Variants in CUX1 observed in about 807,000 individuals in gnomAD.
CUX1 encodes protein CASP.
A neutral mutation model predicts 158.8 loss-of-function variants in CUX1; 31 were observed. The observed-to-expected ratio is 0.20, with a 90% CI of 0.15 to 0.26. The LOEUF (loss-of-function observed/expected upper bound fraction) is 0.26. Among genes scored for constraint, CUX1 ranks in the 10% least tolerant of loss-of-function variants. CUX1 has a pLI of 1.00. For missense variants in CUX1, 1,589 were observed against 2,014.6 expected, an observed-to-expected ratio of 0.79 and a Z score of 4.04; for synonymous variants, 879 against 862.1, an observed-to-expected ratio of 1.02 and a Z score of -0.34.
At chr7:102,275,192 G>C in intron 16 of CUX1, 1 of 1,371,342 alleles carries the variant, frequency 7.3e-7, no homozygotes, top group Non-Finnish European at 1.0e-6. Flanking sequence ...CCAAAGGGCC[G>C]CCTGCTGGGT....
intron 7 of CUX1, among the ~76,000 whole-genome samples, chr7:102,112,240 C>CT (rs201695519): frequency 0.028 from 3,690 of 131,304 alleles, 250 homozygotes; most frequent in African/African-American, 0.09. Context: ...CTTTCTCTCT[C>CT]TCTTTTTTTT....
exon 23 of CUX1, chr7:102,283,036 G>C (rs1554549852): frequency 1.2e-6 from 2 of 1,612,476 alleles, no homozygotes. Context: ...CTGACCACCT[G>C]CACAAGTTCC....
intron 1 of CUX1, among the ~76,000 whole-genome samples, chr7:101,862,733 T>C (rs776738810): frequency 9.9e-5 from 15 of 152,150 alleles, no homozygotes; most frequent in African/African-American, 1.9e-4. Flanking sequence ...GAGACCACGG[T>C]GTCCCTTTCC....
At chr7:102,079,115 G>A (rs1554477613) in intron 4 of CUX1, among the ~76,000 whole-genome samples, 1 of 152,092 alleles carries the variant, frequency 6.6e-6, no homozygotes. Context: ...CTCACTCAAA[G>A]ATCCCACATT....
chr7:102,224,667 C>T (rs942267876), intron 20 of CUX1, among the ~76,000 whole-genome samples: 1 of 152,186 alleles, frequency 6.6e-6, no homozygotes, highest in African/African-American at 2.4e-5. Flanking sequence ...GTGAGCGCCC[C>T]TGTTTAGTTC....
intron 20 of CUX1, among the ~76,000 whole-genome samples, chr7:102,217,949 C>T (rs1388934318): frequency 6.6e-6 from 1 of 151,100 alleles, no homozygotes; most frequent in South Asian, 2.1e-4. Context: ...CGGATGGATG[C>T]GATGGTGTCT....
At chr7:101,906,879 A>G (rs1802818120) in intron 1 of CUX1, among the ~76,000 whole-genome samples, 2 of 152,144 alleles carry the variant, frequency 1.3e-5, no homozygotes, top group Admixed American at 1.3e-4. Context: ...CCACTGTCCC[A>G]TCTTTGCCAC....
intron 1 of CUX1, among the ~76,000 whole-genome samples, chr7:101,848,854 C>T (rs191762753): frequency 3.4e-4 from 50 of 145,172 alleles, no homozygotes; most frequent in Admixed American, 2.6e-3. Context: ...CTCCAGGAAA[C>T]GGAAAAAAAA....
At chr7:102,011,575 T>C (rs552482653) in intron 2 of CUX1, among the ~76,000 whole-genome samples, 2 of 151,932 alleles carry the variant, frequency 1.3e-5, no homozygotes, top group Non-Finnish European at 2.9e-5. Context: ...AGAGACGGGT[T>C]TCACCGTGTT....
chr7:102,114,375 A>C (rs1831232896), intron 7 of CUX1, among the ~76,000 whole-genome samples: 1 of 152,150 alleles, frequency 6.6e-6, no homozygotes, highest in Admixed American at 6.5e-5. Flanking sequence ...TCCAGGGTTC[A>C]AGTGATTCTC....
chr7:101,903,809 T>C (rs1034572103), intron 1 of CUX1, among the ~76,000 whole-genome samples: 1 of 151,956 alleles, frequency 6.6e-6, no homozygotes, highest in Non-Finnish European at 1.5e-5. Flanking sequence ...CTTCGCAGAG[T>C]GGGTTTGTGA....
At chr7:101,849,311 C>G (rs1245943490) in intron 1 of CUX1, among the ~76,000 whole-genome samples, 1 of 150,780 alleles carries the variant, frequency 6.6e-6, no homozygotes, top group Non-Finnish European at 1.5e-5. Context: ...GTTATTTCTC[C>G]TGATCCTCTC....
chr7:102,140,931 T>A (rs1166666976), intron 8 of CUX1, among the ~76,000 whole-genome samples: 3 of 152,022 alleles, frequency 2.0e-5, no homozygotes, highest in African/African-American at 7.2e-5. Flanking sequence ...GGAAAACTTC[T>A]TGTTGCAATT....
chr7:101,908,855 T>C (rs1463904056), intron 1 of CUX1, among the ~76,000 whole-genome samples: 2 of 152,162 alleles, frequency 1.3e-5, no homozygotes, highest in Non-Finnish European at 2.9e-5. Flanking sequence ...AAATGCATCA[T>C]CTTGATTATG....
intron 8 of CUX1, 131 bp from the exon 9 acceptor site, chr7:102,158,429 C>T: frequency 1.3e-6 from 1 of 760,976 alleles, no homozygotes; most frequent in South Asian, 2.0e-5. Flanking sequence ...CCCACCTCCT[C>T]CTGCTGGACA....
chr7:102,263,701 CT>C (rs1188599297), intron 14 of CUX1, among the ~76,000 whole-genome samples: 3 of 150,672 alleles, frequency 2.0e-5, no homozygotes, highest in African/African-American at 2.4e-5. Flanking sequence ...ATCTTTTTCT[CT>C]TTTTTTTTGA....
rs181319626 is a variant in CUX1, at chr7:102,123,751, C to T, written c.674+8478C>T. Among the ~76,000 whole-genome samples the T allele has an allele frequency of 1.7e-3, 266 of 152,112 alleles. 1 individual carries two copies. The highest frequency in any genetic ancestry group is 6.0e-3 in the African/African-American group (251 of 41,516). ...GATCTTGGCTCACTACAACTTCTACCTCCCGGTTTCAAACGATTTTCCCAC... is the reference window on the plus strand; with the variant it reads ...GATCTTGGCTCACTACAACTTCTACTTCCCGGTTTCAAACGATTTTCCCAC... On this transcript the variant is annotated intron_variant, in intron 8 of 23. Transcript: ENST00000292535.
chr7:101,853,623 C>T (rs866879478), intron 1 of CUX1, among the ~76,000 whole-genome samples: 7 of 96,152 alleles, frequency 7.3e-5, no homozygotes, highest in African/African-American at 2.4e-4. Context: ...GTGTGTGTGT[C>T]GGGGTAAAGA....
intron 14 of CUX1, among the ~76,000 whole-genome samples, chr7:102,196,105 T>G (rs1794771928): frequency 6.6e-6 from 1 of 152,188 alleles, no homozygotes; most frequent in Non-Finnish European, 1.5e-5. Context: ...TGACTGTGCT[T>G]CTGGTTTGGG....
Sources: gnomAD v4.1 joint callset for allele counts (sites outside exome capture counted in the v4.1 genomes callset) on GRCh38, gnomAD v4.1.1 for gene constraint, MANE v1.5 for transcripts, NCBI Gene and HGNC (gene_info 2026-07-23, HGNC 2026-07-21) for gene names.